The following ADAMTSL1 variants were observed in gnomAD, a reference collection of about 807,000 sequenced individuals.
ADAMTSL1 encodes ADAMTS like 1, also known as ADAMTS-like protein 1.
ADAMTSL1 carries 126 observed loss-of-function variants against 201.8 expected under a neutral mutation model. The observed-to-expected ratio is 0.62, with a 90% confidence interval of 0.54 to 0.72. The LOEUF (loss-of-function observed/expected upper bound fraction) is 0.72. Ranked by LOEUF, ADAMTSL1 falls within the 30% of genes least tolerant of loss-of-function variation. ADAMTSL1 has a pLI of 0.00. For synonymous variants in ADAMTSL1, 1,121 were observed against 903.4 expected (o/e 1.24, Z -4.32); for missense variants, 2,679 against 2,277.8 (o/e 1.18, Z -3.59).
chr9:18,110,747 TC>T (rs1200460200), intron 1 of ADAMTSL1, among the ~76,000 whole-genome samples: 1 of 152,148 alleles, frequency 6.6e-6, no homozygotes, highest in Non-Finnish European at 1.5e-5. Flanking sequence ...AATGAAAGGT[TC>T]TTAGCAAAGG....
intron 2 of ADAMTSL1, among the ~76,000 whole-genome samples, chr9:18,428,434 C>CAA (rs368935296): frequency 0.012 from 1,416 of 119,490 alleles, 16 homozygotes; most frequent in Middle Eastern, 0.033. Flanking sequence ...CCTATGTCTA[C>CAA]AAAAAAAAAA....
chr9:18,867,521 G>C (rs1474585819), intron 23 of ADAMTSL1, among the ~76,000 whole-genome samples: 1 of 152,116 alleles, frequency 6.6e-6, no homozygotes, highest in African/African-American at 2.4e-5. Flanking sequence ...GAACCCCCAT[G>C]CCCTAATCAC....
chr9:18,435,435 A>C (rs749662944), intron 2 of ADAMTSL1, among the ~76,000 whole-genome samples: 20 of 152,224 alleles, frequency 1.3e-4, no homozygotes, highest in Non-Finnish European at 2.8e-4. Context: ...AATTGTTCAA[A>C]TACTCACACA....
Position 18,393,873 on chromosome 9 carries a change from AC to A in ADAMTSL1, c.208-110954del, listed in dbSNP as rs545327436. Among the ~76,000 whole-genome samples, 22 of 152,318 alleles carry A rather than the reference AC, an allele frequency of 1.4e-4. No individual in the cohort carries two copies. The South Asian group carries it at 4.3e-3, about 30-fold the overall frequency. ...AAACAAAGCCTGGGTCCTGGATGATACCATCCGGCTGTGAAATAAACCAACT... is the reference window on the plus strand; with the variant it reads ...AAACAAAGCCTGGGTCCTGGATGATACATCCGGCTGTGAAATAAACCAACT... On this transcript the variant is annotated intron_variant, in intron 2 of 29. Coordinates refer to the ADAMTSL1 transcript ENST00000680146.
intron 1 of ADAMTSL1, among the ~76,000 whole-genome samples, chr9:18,039,459 T>C (rs1251284328): frequency 2.0e-5 from 3 of 152,174 alleles, no homozygotes; most frequent in African/African-American, 4.8e-5. Context: ...TCAATAATTT[T>C]GGTGGGCTCA....
intron 2 of ADAMTSL1, among the ~76,000 whole-genome samples, chr9:18,511,575 C>T (rs113921502): frequency 0.012 from 1,779 of 152,046 alleles, 29 homozygotes; most frequent in African/African-American, 0.04. Flanking sequence ...ATGGTGTCAA[C>T]ATAAATACAG....
intron 2 of ADAMTSL1, among the ~76,000 whole-genome samples, chr9:18,173,667 A>G (rs1453179934): frequency 2.0e-5 from 3 of 152,160 alleles, no homozygotes; most frequent in Non-Finnish European, 4.4e-5. Flanking sequence ...TAAAATGTGA[A>G]GCATTAAAAG....
At chr9:18,710,313 C>T (rs964102159) in intron 14 of ADAMTSL1, among the ~76,000 whole-genome samples, 6 of 152,192 alleles carry the variant, frequency 3.9e-5, no homozygotes, top group Non-Finnish European at 8.8e-5. Flanking sequence ...GCCCAAGATA[C>T]TCCTTAATTA....
At chr9:18,218,286 C>T (rs1830127987) in intron 2 of ADAMTSL1, among the ~76,000 whole-genome samples, 1 of 152,098 alleles carries the variant, frequency 6.6e-6, no homozygotes, top group Admixed American at 6.5e-5. Context: ...TTTTAAAATA[C>T]TCATGGACAT....
chr9:18,173,725 A>G (rs1186941221), intron 2 of ADAMTSL1, among the ~76,000 whole-genome samples: 1 of 152,158 alleles, frequency 6.6e-6, no homozygotes, highest in Non-Finnish European at 1.5e-5. Flanking sequence ...AACCTCTCAA[A>G]TACAGAGTAA....
In ADAMTSL1 at chr9:18,105,202, C is replaced by A. The variant is rs577163102; in HGVS notation, c.88-58660C>A. On this transcript the variant is annotated intron_variant, in intron 1 of 29. Coordinates refer to the ADAMTSL1 transcript ENST00000680146. ...TAAAACAAGCGAACTGGAATATGTG[C>A]TCTCTGAGTTTCCTTCCAGCCCTAA... Among the ~76,000 whole-genome samples, 31 of 152,286 alleles carry A rather than the reference C, an allele frequency of 2.0e-4. No individual in the cohort carries two copies. The South Asian group carries it at 6.4e-3, about 32-fold the overall frequency.
intron 2 of ADAMTSL1, among the ~76,000 whole-genome samples, chr9:18,429,414 T>A (rs1379227826): frequency 6.6e-6 from 1 of 152,158 alleles, no homozygotes; most frequent in Non-Finnish European, 1.5e-5. Context: ...TGTTTGGGTA[T>A]TGGGATCTGG....
In ADAMTSL1 at chr9:18,478,950, T is replaced by C. The variant is rs556963931; in HGVS notation, c.63+4655T>C. On this transcript the variant is annotated intron_variant, in intron 1 of 28. Coordinates refer to ENST00000380548, the MANE Select transcript of ADAMTSL1 (RefSeq NM_001040272.6). Reference sequence around the variant, plus strand: ...ACATCATAAAAACCATACCATGTGGTTGAATTTTGGCTTGATTGGCAGTAC... The same window carrying C: ...ACATCATAAAAACCATACCATGTGGCTGAATTTTGGCTTGATTGGCAGTAC... 7.9e-5 allele frequency among the ~76,000 whole-genome samples: 12 copies of C among 152,308 alleles called. No individual in the cohort carries two copies. The South Asian group carries it at 2.3e-3, about 29-fold the overall frequency.
At chr9:18,064,954 A>ATTTTTTTTTTTTTTTTTTTTTT (rs563021690) in intron 1 of ADAMTSL1, among the ~76,000 whole-genome samples, 1 of 69,022 alleles carries the variant, frequency 1.4e-5, no homozygotes, top group Non-Finnish European at 2.6e-5. Context: ...TTTGCTAAAG[A>ATTTTTTTTTTTTTTTTTTTTTT]TTTTTTTTTT....
At position 18,549,234 on chromosome 9, in the gene ADAMTSL1, AGAC is replaced by A. The variant is rs1820651716; in HGVS notation, c.237+15943_237+15945del. On this transcript the variant is annotated intron_variant, in intron 3 of 28. Coordinates refer to ENST00000380548, the MANE Select transcript of ADAMTSL1 (RefSeq NM_001040272.6). The stretch of plus-strand genomic sequence containing the variant: ...GAAATAGTAAAAGCTACCAGAGAAA[AGAC>A]AGAGTACCCACAAAAGAATGAAACT... 2.0e-5 allele frequency among the ~76,000 whole-genome samples: 3 copies of A among 152,136 alleles called. No individual in the cohort carries two copies. In the South Asian group the frequency reaches 6.2e-4, roughly 32 times the overall value.
chr9:18,736,788 A>T (rs943058436), intron 15 of ADAMTSL1, among the ~76,000 whole-genome samples: 1 of 152,186 alleles, frequency 6.6e-6, no homozygotes, highest in East Asian at 1.9e-4. Flanking sequence ...TCATCCTCAA[A>T]TGTGTAAAAT....
In ADAMTSL1 at chr9:18,543,649, A is replaced by C. The variant is rs965405357; in HGVS notation, c.237+10357A>C. On this transcript the variant is annotated intron_variant, in intron 3 of 28. Transcript: ENST00000380548. ...ATTTGCAGCAATTACTCTGGGAAAA[A>C]AAATCCTCATATTTTATGACTAACT... 1.1e-4 allele frequency among the ~76,000 whole-genome samples: 16 copies of C among 152,218 alleles called. No individual in the cohort carries two copies. The East Asian group carries it at 3.1e-3, about 29-fold the overall frequency.
chr9:18,559,074 T>A (rs1326877806), intron 3 of ADAMTSL1, among the ~76,000 whole-genome samples: 1 of 152,194 alleles, frequency 6.6e-6, no homozygotes, highest in East Asian at 1.9e-4. Context: ...AGTCGTGAAG[T>A]CTTTGCCCAT....
chr9:18,694,684 C>T (rs1226958030), intron 13 of ADAMTSL1, among the ~76,000 whole-genome samples: 3 of 152,112 alleles, frequency 2.0e-5, no homozygotes, highest in Non-Finnish European at 2.9e-5. Context: ...AAGTTGAGTG[C>T]CTGCAGCTTT....
Sources: allele counts gnomAD v4.1 joint callset (sites outside exome capture counted in the v4.1 genomes callset), GRCh38; gene constraint gnomAD v4.1.1; transcripts MANE v1.5; gene names NCBI Gene and HGNC (gene_info 2026-07-23, HGNC 2026-07-21).